GRIN2A: variants seen among roughly 807,000 people sequenced by gnomAD.
The protein encoded by GRIN2A is glutamate ionotropic receptor NMDA type subunit 2A, also known as glutamate receptor ionotropic, NMDA 2A.
GRIN2A carries 22 observed loss-of-function variants against 113.4 expected under a neutral mutation model. The observed-to-expected ratio is 0.19, with a 90% CI of 0.14 to 0.28. GRIN2A has a LOEUF of 0.28. Ranked by LOEUF, GRIN2A falls within the 10% of genes least tolerant of loss-of-function variation. GRIN2A has a pLI of 1.00. For missense variants in GRIN2A, 1,502 were observed against 1,887.0 expected (o/e 0.80, Z 3.78); for synonymous variants, 827 against 738.4 (o/e 1.12, Z -1.94).
At position 9,763,315 on chromosome 16, in the gene GRIN2A, G is replaced by A. The variant is rs1555481986; in HGVS notation, c.4229C>T (p.Ser1410Leu). ...YLRSSLRSTA[S>L]YCSRDSRGHN... is the part of the protein sequence containing the mutation. ...GCCCCGACTGTCCCTGGAACAGTAC[G>A]ATGCCGTTGACCTCAAGGACGACCG... Residue 1410 changes from serine (S) to leucine (L), a missense_variant, in exon 13 of 13, where the codon TCG (serine) becomes TTG (leucine). Around this residue, in one of 7 missense-constraint regions of GRIN2A, gnomAD observed 832 missense variants for 789.7 expected, o/e 1.05. Transcript: ENST00000330684. The A allele has an allele frequency of 3.1e-6, 5 of 1,614,116 alleles. No homozygotes were observed. Among genetic ancestry groups the A allele is most frequent in the Non-Finnish European group, 4.2e-6 (5 of 1,179,990 alleles).
At chr16:10,153,145 C>G (rs1180922629) in intron 2 of GRIN2A, among the ~76,000 whole-genome samples, 1 of 152,110 alleles carries the variant, frequency 6.6e-6, no homozygotes, top group Non-Finnish European at 1.5e-5. Flanking sequence ...AATATTGTTA[C>G]AAGTTGGTAC....
chr16:10,029,684 C>T (rs954088881), intron 2 of GRIN2A, among the ~76,000 whole-genome samples: 3 of 152,088 alleles, frequency 2.0e-5, no homozygotes, highest in Admixed American at 6.5e-5. Context: ...TCATGGTTTG[C>T]GTAAGGCAGC....
intron 10 of GRIN2A, among the ~76,000 whole-genome samples, chr16:9,819,835 C>T (rs1202447992): frequency 1.4e-5 from 2 of 138,098 alleles, no homozygotes; most frequent in East Asian, 2.3e-4. Flanking sequence ...TGTTGAGAAT[C>T]GTTTGAACCT....
chr16:9,851,504 A>G (rs554348916), intron 4 of GRIN2A, among the ~76,000 whole-genome samples: 1 of 152,372 alleles, frequency 6.6e-6, no homozygotes, highest in East Asian at 1.9e-4. Flanking sequence ...TGGAACTGTC[A>G]GTCAGTTGTA....
intron 2 of GRIN2A, among the ~76,000 whole-genome samples, chr16:10,176,700 G>T (rs969193191): frequency 3.7e-5 from 5 of 134,964 alleles, no homozygotes; most frequent in African/African-American, 1.4e-4. Flanking sequence ...GGCCTGTCAT[G>T]GGGTGGGGGG....
intron 4 of GRIN2A, among the ~76,000 whole-genome samples, chr16:9,878,842 G>C (rs931305781): frequency 1.3e-5 from 2 of 149,080 alleles, no homozygotes; most frequent in Non-Finnish European, 3.0e-5. Flanking sequence ...AACAACAAAA[G>C]AACCAGTGCA....
At chr16:9,930,282 TATC>T (rs1438476633) in intron 3 of GRIN2A, among the ~76,000 whole-genome samples, 1 of 152,182 alleles carries the variant, frequency 6.6e-6, no homozygotes, top group Non-Finnish European at 1.5e-5. Context: ...ATTTAAGTGG[TATC>T]ATCCTCCCTA....
chr16:9,955,801 C>T (rs534703024), intron 2 of GRIN2A, among the ~76,000 whole-genome samples: 6 of 152,274 alleles, frequency 3.9e-5, no homozygotes, highest in African/African-American at 9.6e-5. Flanking sequence ...TGCATCAAGG[C>T]GAATGAGCTC....
At position 10,085,110 on chromosome 16, in the gene GRIN2A, A is replaced by C. The variant is rs1240206344; in HGVS notation, c.414+94888T>G. 2.6e-5 allele frequency among the ~76,000 whole-genome samples: 4 copies of C among 152,320 alleles called. No individual in the cohort carries two copies. In the East Asian group the frequency reaches 7.7e-4, roughly 29 times the overall value. Reference sequence around the variant, plus strand: ...GAGTTTTGGTCACTTGTTCAGTTATATAGCCAGTGAGTTACAGAGTAAGGA... The same window carrying C: ...GAGTTTTGGTCACTTGTTCAGTTATCTAGCCAGTGAGTTACAGAGTAAGGA... On this transcript the variant is annotated intron_variant, in intron 2 of 12. Transcript: ENST00000330684.
At position 9,897,859 on chromosome 16, in the gene GRIN2A, G is replaced by A. The variant is rs146750257; in HGVS notation, c.1008-6759C>T. On this transcript the variant is annotated intron_variant, in intron 3 of 12. Coordinates refer to ENST00000330684, the MANE Select transcript of GRIN2A (RefSeq NM_001134407.3). ...GCAGGGACCTCATCTGCCTTGCTTA[G>A]TATTATATTTCTAGTGCTAAACAGG... is the stretch of plus-strand genomic sequence containing the variant. 1.1e-4 allele frequency among the ~76,000 whole-genome samples: 17 copies of A among 152,202 alleles called. No individual in the cohort carries two copies. The East Asian group carries it at 3.3e-3, about 29-fold the overall frequency.
chr16:9,807,443 CAG>C (rs1282951303), intron 10 of GRIN2A, among the ~76,000 whole-genome samples: 3 of 119,082 alleles, frequency 2.5e-5, no homozygotes, highest in Non-Finnish European at 5.4e-5. Context: ...GAGACAGAGA[CAG>C]AGAGAGAGAG....
chr16:9,961,559 G>C (rs1200904559), intron 2 of GRIN2A, among the ~76,000 whole-genome samples: 1 of 152,146 alleles, frequency 6.6e-6, no homozygotes, highest in Non-Finnish European at 1.5e-5. Flanking sequence ...TCTTGGGGTT[G>C]GTGAGAAGGG....
chr16:9,861,250 T>C (rs1460263839), intron 4 of GRIN2A, among the ~76,000 whole-genome samples: 2 of 152,234 alleles, frequency 1.3e-5, no homozygotes, highest in Middle Eastern at 3.4e-3. Context: ...GGAGAAAACA[T>C]GAGTAATTAA....
At chr16:9,948,202 T>C (rs1266776900) in intron 2 of GRIN2A, among the ~76,000 whole-genome samples, 1 of 151,950 alleles carries the variant, frequency 6.6e-6, no homozygotes, top group Non-Finnish European at 1.5e-5. Flanking sequence ...ACAGAGATCT[T>C]CAAGTGCATT....
chr16:10,051,316 A>G (rs1003222014), intron 2 of GRIN2A, among the ~76,000 whole-genome samples: 1 of 152,198 alleles, frequency 6.6e-6, no homozygotes, highest in African/African-American at 2.4e-5. Flanking sequence ...AAGTGCACAG[A>G]CAGGAACAAG....
rs1354099774 is a variant in GRIN2A at position 10,182,323 on chromosome 16, G to A, written c.-465C>T. On this transcript the variant is annotated 5_prime_UTR_variant, in exon 1 of 13. Coordinates refer to ENST00000330684, the MANE Select transcript of GRIN2A (RefSeq NM_001134407.3). The stretch of plus-strand genomic sequence containing the variant: ...GCCCCAGGTTGGCCACCCACGAGAA[G>A]CTAACTGGGCACCTCCACCCGCACC... 1 of 152,334 alleles carries A rather than the reference G, an allele frequency of 6.6e-6. No homozygotes were observed. The highest frequency in any genetic ancestry group is 2.1e-4 in the South Asian group (1 of 4,836). 9.4% of individuals were successfully genotyped at this position (152,334 alleles called of 1,614,324 possible).
At chr16:9,785,303 G>T (rs1041328086) in intron 11 of GRIN2A, among the ~76,000 whole-genome samples, 8 of 151,946 alleles carry the variant, frequency 5.3e-5, no homozygotes, top group Non-Finnish European at 1.0e-4. Context: ...CATGGATGAA[G>T]CTGGAAACCA....
At chr16:10,139,678 G>A (rs990820924) in intron 2 of GRIN2A, among the ~76,000 whole-genome samples, 5 of 152,150 alleles carry the variant, frequency 3.3e-5, no homozygotes, top group African/African-American at 9.7e-5. Context: ...CAAACATACT[G>A]AATCAAAGTG....
intron 2 of GRIN2A, among the ~76,000 whole-genome samples, chr16:9,971,448 G>C (rs2045667859): frequency 1.3e-5 from 2 of 152,170 alleles, no homozygotes; most frequent in South Asian, 4.1e-4. Flanking sequence ...TGCTCTCAGG[G>C]AACTGTAGCC....
Sources: allele counts gnomAD v4.1 joint callset (sites outside exome capture counted in the v4.1 genomes callset), GRCh38; gene constraint gnomAD v4.1.1; regional missense constraint gnomAD v4.1.1; transcripts MANE v1.5; gene names NCBI Gene and HGNC (gene_info 2026-07-23, HGNC 2026-07-21).